Variants in KIF16B observed in about 807,000 individuals in gnomAD.
KIF16B encodes the protein kinesin family member 16B.
In KIF16B, 98 loss-of-function variants were observed where a neutral mutation model predicts 156.3. That is an observed-to-expected ratio of 0.63 (90% confidence interval 0.53 to 0.74). The LOEUF (loss-of-function observed/expected upper bound fraction) is 0.74, where lower values mean the gene tolerates loss of function less well. Ranked by LOEUF, KIF16B falls within the 30% of genes least tolerant of loss-of-function variation. KIF16B has a pLI of 0.00. For synonymous variants in KIF16B, 564 were observed against 583.7 expected (o/e 0.97, Z 0.49); for missense variants, 1,421 against 1,606.5 (o/e 0.88, Z 1.97).
chr20:16,361,418 T>C (rs1343007150), intron 22 of KIF16B, among the ~76,000 whole-genome samples: 2 of 152,190 alleles, frequency 1.3e-5, no homozygotes, highest in Non-Finnish European at 2.9e-5. Context: ...CAGGTTCCTA[T>C]CCATTTCCAG....
chr20:16,538,496 T>C (rs2070064768), intron 1 of KIF16B, among the ~76,000 whole-genome samples: 1 of 152,164 alleles, frequency 6.6e-6, no homozygotes, highest in Non-Finnish European at 1.5e-5. Context: ...GGGTCCTTCA[T>C]ATAGATAAGT....
intron 1 of KIF16B, among the ~76,000 whole-genome samples, chr20:16,536,051 A>C (rs1222422225): frequency 6.6e-6 from 1 of 152,240 alleles, no homozygotes; most frequent in African/African-American, 2.4e-5. Context: ...TGTTTATTGA[A>C]GCACTATTCA....
intron 23 of KIF16B, among the ~76,000 whole-genome samples, chr20:16,349,647 C>G (rs1353094359): frequency 6.6e-6 from 1 of 152,230 alleles, no homozygotes; most frequent in Non-Finnish European, 1.5e-5. Context: ...ATATCCTCCA[C>G]CACCAGTTTG....
intron 1 of KIF16B, among the ~76,000 whole-genome samples, chr20:16,570,714 C>T (rs966959589): frequency 6.6e-6 from 1 of 152,170 alleles, no homozygotes; most frequent in African/African-American, 2.4e-5. Context: ...TTCTCATCAT[C>T]CTGGCAATAT....
intron 23 of KIF16B, among the ~76,000 whole-genome samples, chr20:16,336,739 C>G (rs1276874877): frequency 6.6e-6 from 1 of 152,194 alleles, no homozygotes; most frequent in South Asian, 2.1e-4. Context: ...CACCACCTAC[C>G]CAGCAATGCC....
intron 11 of KIF16B, among the ~76,000 whole-genome samples, chr20:16,495,986 T>C (rs1453210874): frequency 1.3e-5 from 2 of 152,186 alleles, no homozygotes; most frequent in Admixed American, 6.5e-5. Flanking sequence ...CCACTGCACC[T>C]GGCCTGCTCG....
At chr20:16,415,701 T>C (rs2066068717) in intron 15 of KIF16B, among the ~76,000 whole-genome samples, 1 of 152,174 alleles carries the variant, frequency 6.6e-6, no homozygotes, top group South Asian at 2.1e-4. Context: ...CTACACACTT[T>C]GGCTGAAGAG....
intron 12 of KIF16B, among the ~76,000 whole-genome samples, chr20:16,447,835 G>A (rs182598171): frequency 6.6e-6 from 1 of 152,256 alleles, no homozygotes; most frequent in Admixed American, 6.5e-5. Flanking sequence ...GCCAGGCATG[G>A]TGGTAGGCAC....
intron 23 of KIF16B, among the ~76,000 whole-genome samples, chr20:16,348,012 A>T (rs977942595): frequency 2.6e-5 from 4 of 152,114 alleles, no homozygotes; most frequent in Admixed American, 2.0e-4. Flanking sequence ...CCAAACTGCA[A>T]TTTTTCTAGG....
intron 15 of KIF16B, among the ~76,000 whole-genome samples, chr20:16,411,775 C>T (rs2065961565): frequency 6.6e-6 from 1 of 151,862 alleles, no homozygotes; most frequent in Non-Finnish European, 1.5e-5. Flanking sequence ...GCCTCTTTTC[C>T]TTTGTGGATA....
chr20:16,360,010 T>TA (rs2064521920), intron 22 of KIF16B, among the ~76,000 whole-genome samples: 1 of 152,190 alleles, frequency 6.6e-6, no homozygotes, highest in Non-Finnish European at 1.5e-5. Context: ...ATGAACTAAA[T>TA]ATTAATGAGT....
chr20:16,410,745 T>C (rs879944925), intron 15 of KIF16B, among the ~76,000 whole-genome samples: 12 of 152,234 alleles, frequency 7.9e-5, no homozygotes, highest in Admixed American at 5.9e-4. Context: ...TGGTGATCCA[T>C]GTCTTTTTGT....
chr20:16,368,242 C>T (rs574896559), intron 22 of KIF16B: 49 of 1,001,910 alleles, frequency 4.9e-5, no homozygotes, highest in African/African-American at 3.6e-4. Flanking sequence ...ATATTCAAGG[C>T]GAAAAACTGA....
chr20:16,422,063 C>CA (rs1265827977), intron 15 of KIF16B, among the ~76,000 whole-genome samples: 1 of 152,098 alleles, frequency 6.6e-6, no homozygotes, highest in Non-Finnish European at 1.5e-5. Flanking sequence ...AATGAACTCT[C>CA]AGTTTAGGTA....
At chr20:16,528,957 G>A (rs1600634523) in intron 1 of KIF16B, among the ~76,000 whole-genome samples, 1 of 152,172 alleles carries the variant, frequency 6.6e-6, no homozygotes, top group Non-Finnish European at 1.5e-5. Context: ...GACTCCTAAA[G>A]AGTACAGTTC....
intron 12 of KIF16B, among the ~76,000 whole-genome samples, chr20:16,454,395 T>C (rs1454321147): frequency 6.7e-6 from 1 of 149,666 alleles, no homozygotes; most frequent in East Asian, 1.9e-4. Context: ...TAAATAAAAA[T>C]GTATATATGG....
At chr20:16,348,399 T>C (rs2064273389) in intron 23 of KIF16B, among the ~76,000 whole-genome samples, 1 of 152,276 alleles carries the variant, frequency 6.6e-6, no homozygotes, top group Non-Finnish European at 1.5e-5. Context: ...CATAATTTCC[T>C]AATTGGTGAA....
intron 12 of KIF16B, among the ~76,000 whole-genome samples, chr20:16,480,946 C>G (rs956995297): frequency 1.3e-5 from 2 of 152,112 alleles, no homozygotes; most frequent in Non-Finnish European, 2.9e-5. Context: ...CAAAACATTC[C>G]AAGTTATATG....
chr20:16,339,818 A>C (rs2064109038), intron 23 of KIF16B, among the ~76,000 whole-genome samples: 1 of 152,140 alleles, frequency 6.6e-6, no homozygotes. Context: ...ATTTCTCACT[A>C]TCTCCACTGT....
Sources: gnomAD v4.1 joint callset for allele counts (sites outside exome capture counted in the v4.1 genomes callset) on GRCh38, gnomAD v4.1.1 for gene constraint, MANE v1.5 for transcripts, NCBI Gene and HGNC (gene_info 2026-07-23, HGNC 2026-07-21) for gene names.